TRIP12: variants seen among roughly 807,000 people sequenced by gnomAD.
TRIP12 encodes the protein thyroid hormone receptor interactor 12, also known as E3 ubiquitin-protein ligase TRIP12.
TRIP12 carries 25 observed loss-of-function variants against 244.2 expected under a neutral mutation model. The ratio of observed to expected loss-of-function variants is 0.10; its 90% CI spans 0.07 to 0.14. The LOEUF is 0.14. Among genes scored for constraint, TRIP12 ranks in the 10% least tolerant of loss-of-function variants. The pLI is 1.00. For synonymous variants in TRIP12, 905 were observed against 873.1 expected (o/e 1.04, Z -0.64); for missense variants, 1,677 against 2,486.4 (o/e 0.67, Z 6.92).
chr2:229,786,101 G>A (rs1412657733), intron 33 of TRIP12, among the ~76,000 whole-genome samples: 1 of 152,162 alleles, frequency 6.6e-6, no homozygotes, highest in African/African-American at 2.4e-5. Flanking sequence ...GCCATGGCAA[G>A]TTCAGAAAAT....
In TRIP12 at chr2:229,818,265, T is replaced by A. The variant is rs1019546880; in HGVS notation, c.1599+99A>T. ...TACTCCTCTCTTAACTCTATCATGTTTTAAAAATTAATAATGACAATAATC... is the reference window on the plus strand; with the variant it reads ...TACTCCTCTCTTAACTCTATCATGTATTAAAAATTAATAATGACAATAATC... On this transcript the variant is annotated intron_variant, in intron 9 of 41. Transcript: ENST00000675903. 4.6e-6 allele frequency: 6 copies of A among 1,314,972 alleles called. No individual in the cohort carries two copies. The Admixed American group carries it at 1.3e-4, about 29-fold the overall frequency. The allele number at this position is 1,314,972 out of a possible 1,614,324, so 81.5% of individuals were successfully genotyped here. A position where few individuals can be genotyped will look rare whatever the true frequency, so the allele number is the denominator to read the frequency against.
intron 26 of TRIP12, among the ~76,000 whole-genome samples, chr2:229,794,282 C>T (rs2042248287): frequency 6.6e-6 from 1 of 152,040 alleles, no homozygotes; most frequent in South Asian, 2.1e-4. Flanking sequence ...GATTTAAAAA[C>T]CAAACTAGGC....
chr2:229,827,065 G>A (rs1313286242), intron 8 of TRIP12, among the ~76,000 whole-genome samples: 1 of 152,098 alleles, frequency 6.6e-6, no homozygotes, highest in Admixed American at 6.5e-5. Flanking sequence ...CAGATCACAA[G>A]GTCAGGAGAT....
At chr2:229,807,970 CA>C in intron 16 of TRIP12, 106 bp from the exon 17 acceptor site, 1 of 1,273,144 alleles carries the variant, frequency 7.9e-7, no homozygotes, top group Non-Finnish European at 1.1e-6. Context: ...GTATTTAGAC[CA>C]ATTTTTTTTT....
intron 4 of TRIP12, among the ~76,000 whole-genome samples, chr2:229,849,293 T>C (rs547625116): frequency 7.2e-5 from 11 of 152,228 alleles, no homozygotes; most frequent in Non-Finnish European, 1.3e-4. Flanking sequence ...AAATAACATT[T>C]AGATGTTCAC....
At chr2:229,820,794 T>A (rs953192934) in intron 8 of TRIP12, among the ~76,000 whole-genome samples, 5 of 152,134 alleles carry the variant, frequency 3.3e-5, no homozygotes, top group Non-Finnish European at 7.4e-5. Context: ...TTCACCATGT[T>A]GGCCAGGCTG....
intron 34 of TRIP12, 71 bp from the exon 35 acceptor site, chr2:229,779,061 A>G: frequency 1.6e-6 from 2 of 1,226,848 alleles, no homozygotes; most frequent in South Asian, 1.2e-5. Context: ...ACCTCTTGGA[A>G]ATGTGCACAC....
At chr2:229,872,104 T>TAAAAAAAAAAAAAAAAAAA (rs34496202) in intron 2 of TRIP12, among the ~76,000 whole-genome samples, 8 of 105,264 alleles carry the variant, frequency 7.6e-5, no homozygotes, top group African/African-American at 2.1e-4. Context: ...ACAGATATTG[T>TAAAAAAAAAAAAAAAAAAA]AAAAAAAAAA....
In TRIP12 at chr2:229,796,095, G is replaced by GGAA. The variant is rs568496424; in HGVS notation, c.3816+493_3816+495dup. 1.6e-4 allele frequency among the ~76,000 whole-genome samples: 25 copies of GGAA among 152,360 alleles called. No individual in the cohort carries two copies. The South Asian group carries it at 5.2e-3, about 32-fold the overall frequency. On this transcript the variant is annotated intron_variant, in intron 25 of 41. Transcript: ENST00000675903. ...TTGCTCTGGCCCACTTAAGAGTGAA[G>GGAA]GAAGGGGAGCCACTCTGTGGCTTTG...
intron 1 of TRIP12, among the ~76,000 whole-genome samples, chr2:229,885,824 C>T (rs2065903537): frequency 1.3e-5 from 2 of 152,066 alleles, no homozygotes; most frequent in South Asian, 4.1e-4. Flanking sequence ...CCCACCTAGG[C>T]TCAAATTCTG....
chr2:229,817,348 A>C (rs1018877422), intron 9 of TRIP12, among the ~76,000 whole-genome samples: 1 of 152,242 alleles, frequency 6.6e-6, no homozygotes, highest in Non-Finnish European at 1.5e-5. Flanking sequence ...ATTTAGACTC[A>C]AATTTTAATC....
rs879933835 is a variant in TRIP12 at position 229,864,566 on chromosome 2, C to CT, written c.99-4036dup. 6.4e-3 allele frequency among the ~76,000 whole-genome samples: 918 copies of CT among 143,190 alleles called. 6 individuals carry two copies. Among genetic ancestry groups the CT allele is most frequent in the African/African-American group, 0.019 (762 of 39,340 alleles). The allele number at this position is 143,190 out of a possible 152,430, so 93.9% of individuals were successfully genotyped here. ...TAAATTATTTCTGCCAGATTTTCAA[C>CT]TTTTTTTTTTTTTTGGTGTAATGTC... On this transcript the variant is annotated intron_variant, in intron 2 of 41. Transcript: ENST00000675903.
upstream of TRIP12, chr2:229,922,235 G>A: frequency 2.4e-6 from 1 of 416,296 alleles, no homozygotes; most frequent in Non-Finnish European, 4.4e-6. Flanking sequence ...CCAGGAAGGG[G>A]ACTGTGGAGA....
rs944363768 is a variant in TRIP12, at chr2:229,827,279, C to CAAAAAAAAAAAAAAAA, written c.1450+1913_1450+1914insTTTTTTTTTTTTTTTT. On this transcript the variant is annotated intron_variant, in intron 8 of 41. Coordinates refer to ENST00000675903, the MANE Select transcript of TRIP12 (RefSeq NM_001348323.3). Reference sequence around the variant, plus strand: ...TGGGAGACAGAGCAAAACTCCGTCTCAAAAAAAAAAAAGAAAAAGAAAAAA... The same window carrying CAAAAAAAAAAAAAAAA: ...TGGGAGACAGAGCAAAACTCCGTCTCAAAAAAAAAAAAAAAAAAAAAAAAAAAAGAAAAAGAAAAAA... Among the ~76,000 whole-genome samples, 4 of 122,348 alleles carry CAAAAAAAAAAAAAAAA rather than the reference C, an allele frequency of 3.3e-5. No homozygotes were observed. In the South Asian group the frequency reaches 1.0e-3, roughly 31 times the overall value. The allele number at this position is 122,348 out of a possible 152,430, so 80.3% of individuals were successfully genotyped here. A position where few individuals can be genotyped will look rare whatever the true frequency, so the allele number is the denominator to read the frequency against.
intron 6 of TRIP12, among the ~76,000 whole-genome samples, chr2:229,834,941 G>A (rs889892089): frequency 2.0e-5 from 3 of 151,868 alleles, no homozygotes; most frequent in Non-Finnish European, 4.4e-5. Flanking sequence ...GTCTTATATC[G>A]ACTATACAAG....
chr2:229,914,057 C>T (rs1452098318), intron 1 of TRIP12, among the ~76,000 whole-genome samples: 3 of 152,086 alleles, frequency 2.0e-5, no homozygotes, highest in East Asian at 3.9e-4. Flanking sequence ...TGCCTGAGGT[C>T]AGGAGTTGGA....
At chr2:229,903,117 T>C (rs1337345569) in intron 1 of TRIP12, among the ~76,000 whole-genome samples, 4 of 151,320 alleles carry the variant, frequency 2.6e-5, no homozygotes, top group South Asian at 4.2e-4. Flanking sequence ...TTTTGCTTTC[T>C]AGATAAACAA....
intron 2 of TRIP12, among the ~76,000 whole-genome samples, chr2:229,870,393 T>A (rs915613124): frequency 1.3e-5 from 2 of 152,166 alleles, no homozygotes; most frequent in African/African-American, 4.8e-5. Context: ...CATGACATGG[T>A]AGCAAGAAGC....
At chr2:229,864,032 G>GAGAGAGAGAGAA (rs1553711808) in intron 2 of TRIP12, among the ~76,000 whole-genome samples, 1 of 137,506 alleles carries the variant, frequency 7.3e-6, no homozygotes, top group Non-Finnish European at 1.6e-5. Context: ...GAGAGAGAGA[G>GAGAGAGAGAGAA]AGAGAGAGAG....
Sources: allele counts gnomAD v4.1 joint callset (sites outside exome capture counted in the v4.1 genomes callset), GRCh38; gene constraint gnomAD v4.1.1; transcripts MANE v1.5; gene names NCBI Gene and HGNC (gene_info 2026-07-23, HGNC 2026-07-21).